The following AGBL4 variants were observed in gnomAD, a reference collection of about 807,000 sequenced individuals.
The protein encoded by AGBL4 is cytosolic carboxypeptidase 6.
Under a neutral mutation model 66.4 loss-of-function variants are expected in AGBL4, and 58 were observed. The observed-to-expected ratio is 0.87, with a 90% CI of 0.71 to 1.09. AGBL4 has a LOEUF of 1.09. AGBL4 is among the 50% of genes least tolerant of loss of function. AGBL4 has a pLI of 0.00. For synonymous variants in AGBL4, 234 were observed against 222.9 expected, an observed-to-expected ratio of 1.05 and a Z score of -0.44; for missense variants, 579 against 631.0, an observed-to-expected ratio of 0.92 and a Z score of 0.88.
At chr1:48,684,197 A>G (rs1027025139) in intron 6 of AGBL4, among the ~76,000 whole-genome samples, 1 of 152,242 alleles carries the variant, frequency 6.6e-6, no homozygotes, top group African/African-American at 2.4e-5. Context: ...TGAGCATCAC[A>G]AAGTGCTCTC....
At chr1:49,687,950 G>A (rs1293748316) in intron 3 of AGBL4, among the ~76,000 whole-genome samples, 1 of 152,014 alleles carries the variant, frequency 6.6e-6, no homozygotes, top group Admixed American at 6.5e-5. Context: ...TGGGCACATA[G>A]TGGGTATATA....
At chr1:49,577,230 G>A (rs1644454976) in intron 3 of AGBL4, among the ~76,000 whole-genome samples, 1 of 152,198 alleles carries the variant, frequency 6.6e-6, no homozygotes, top group South Asian at 2.1e-4. Flanking sequence ...ATAATCAGGT[G>A]GATAGGATGA....
At chr1:48,978,162 G>A (rs1039022584) in intron 5 of AGBL4, among the ~76,000 whole-genome samples, 5 of 152,158 alleles carry the variant, frequency 3.3e-5, no homozygotes, top group African/African-American at 1.2e-4. Flanking sequence ...TTGTTACTTG[G>A]AAGGTCAACT....
At chr1:49,188,521 A>G (rs930734699) in intron 4 of AGBL4, among the ~76,000 whole-genome samples, 1 of 152,182 alleles carries the variant, frequency 6.6e-6, no homozygotes, top group Non-Finnish European at 1.5e-5. Context: ...GTCTAATTAT[A>G]TACTGCAGAC....
chr1:48,672,493 G>A (rs1006945559), intron 6 of AGBL4, among the ~76,000 whole-genome samples: 2 of 152,178 alleles, frequency 1.3e-5, no homozygotes, highest in African/African-American at 4.8e-5. Flanking sequence ...CATAAATTCA[G>A]CCCCTCCAAT....
intron 6 of AGBL4, among the ~76,000 whole-genome samples, chr1:48,865,414 C>T (rs1647949076): frequency 6.6e-6 from 1 of 152,134 alleles, no homozygotes; most frequent in South Asian, 2.1e-4. Flanking sequence ...CGGTATCTCA[C>T]AATATCACAC....
intron 5 of AGBL4, among the ~76,000 whole-genome samples, chr1:48,884,848 T>C (rs750629576): frequency 4.0e-4 from 60 of 151,590 alleles, no homozygotes; most frequent in Non-Finnish European, 8.2e-4. Context: ...CCAGTGCTTA[T>C]ACCAGTTGAA....
chr1:49,845,816 C>T (rs1646127503), intron 2 of AGBL4: 1 of 1,532,504 alleles, frequency 6.5e-7, no homozygotes. Context: ...CGGATGCACA[C>T]AGGAGAGAAG....
At chr1:49,489,257 T>C (rs939692831) in intron 3 of AGBL4, among the ~76,000 whole-genome samples, 8 of 152,152 alleles carry the variant, frequency 5.3e-5, no homozygotes, top group Admixed American at 6.6e-5. Context: ...ATTGTAGTTC[T>C]GACTTGCATT....
chr1:49,295,654 T>G (rs993693171), intron 3 of AGBL4, among the ~76,000 whole-genome samples: 1 of 152,280 alleles, frequency 6.6e-6, no homozygotes, highest in Admixed American at 6.5e-5. Flanking sequence ...AGTGCAGTAT[T>G]GCTTCTATTA....
chr1:49,052,472 A>C (rs1644237099), intron 4 of AGBL4, among the ~76,000 whole-genome samples: 1 of 152,158 alleles, frequency 6.6e-6, no homozygotes, highest in Non-Finnish European at 1.5e-5. Flanking sequence ...CCTCTGTATA[A>C]AATGTGGTTA....
At position 49,253,880 on chromosome 1, in the gene AGBL4, G is replaced by A. The variant is rs140191101; in HGVS notation, c.283-8016C>T. The stretch of plus-strand genomic sequence containing the variant: ...GTTCAACATACACAAACCAATAAAT[G>A]TGATTCATCACATAAACTGAATTAA... On this transcript the variant is annotated intron_variant, in intron 3 of 13. Transcript: ENST00000371839. 1.1e-3 allele frequency among the ~76,000 whole-genome samples: 167 copies of A among 152,180 alleles called. 6 individuals are homozygous for A. In the East Asian group the frequency reaches 0.02, roughly 18 times the overall value.
intron 4 of AGBL4, among the ~76,000 whole-genome samples, chr1:49,186,520 A>T (rs558122636): frequency 1.3e-5 from 2 of 152,292 alleles, no homozygotes; most frequent in South Asian, 4.1e-4. Context: ...TGGTGATAAT[A>T]AAACCAACCC....
At chr1:49,834,397 T>C (rs1213936136) in intron 2 of AGBL4, among the ~76,000 whole-genome samples, 1 of 152,176 alleles carries the variant, frequency 6.6e-6, no homozygotes, top group East Asian at 1.9e-4. Context: ...TCTCAGATGG[T>C]AGTTTGTATT....
At chr1:49,638,403 T>A (rs1286072243) in intron 3 of AGBL4, among the ~76,000 whole-genome samples, 1 of 152,214 alleles carries the variant, frequency 6.6e-6, no homozygotes, top group Non-Finnish European at 1.5e-5. Flanking sequence ...AAGTTATGCA[T>A]AATTTTCTAT....
intron 4 of AGBL4, among the ~76,000 whole-genome samples, chr1:49,239,172 CAT>C (rs1320335105): frequency 6.6e-6 from 1 of 151,796 alleles, no homozygotes; most frequent in Non-Finnish European, 1.5e-5. Flanking sequence ...TAAAAAAAAA[CAT>C]AGATCATTTT....
At chr1:49,938,028 AG>A (rs1654291474) in intron 1 of AGBL4, among the ~76,000 whole-genome samples, 1 of 151,168 alleles carries the variant, frequency 6.6e-6, no homozygotes, top group Non-Finnish European at 1.5e-5. Context: ...AGACAAAAAA[AG>A]CCCTTGAAAA....
chr1:49,474,729 G>A (rs753145724), intron 3 of AGBL4, among the ~76,000 whole-genome samples: 1 of 151,960 alleles, frequency 6.6e-6, no homozygotes, highest in Non-Finnish European at 1.5e-5. Flanking sequence ...GTATAAAAAA[G>A]GTATTGAAGA....
intron 3 of AGBL4, among the ~76,000 whole-genome samples, chr1:49,538,193 C>T (rs978280234): frequency 6.6e-6 from 1 of 152,142 alleles, no homozygotes; most frequent in Non-Finnish European, 1.5e-5. Context: ...AGATGTGGAA[C>T]CACCCTAAGT....
Sources: allele counts gnomAD v4.1 joint callset (sites outside exome capture counted in the v4.1 genomes callset), GRCh38; gene constraint gnomAD v4.1.1; transcripts MANE v1.5; gene names NCBI Gene and HGNC (gene_info 2026-07-23, HGNC 2026-07-21).